AGPS: variants seen among roughly 807,000 people sequenced by gnomAD.
The protein encoded by AGPS is alkyldihydroxyacetonephosphate synthase, peroxisomal.
Under a neutral mutation model 90.7 loss-of-function variants are expected in AGPS, and 26 were observed. The observed-to-expected ratio is 0.29, with a 90% CI of 0.21 to 0.40. The LOEUF (loss-of-function observed/expected upper bound fraction) is 0.40, where lower values mean the gene tolerates loss of function less well. Among genes scored for constraint, AGPS ranks in the 10% least tolerant of loss-of-function variants. AGPS has a pLI of 1.00. For missense variants in AGPS, 540 were observed against 816.1 expected, an observed-to-expected ratio of 0.66 and a Z score of 4.12; for synonymous variants, 294 against 285.3, an observed-to-expected ratio of 1.03 and a Z score of -0.31.
At chr2:177,418,855 G>C (rs1277749000) in intron 1 of AGPS, among the ~76,000 whole-genome samples, 1 of 151,632 alleles carries the variant, frequency 6.6e-6, no homozygotes, top group African/African-American at 2.4e-5. Flanking sequence ...CATTAGTCGT[G>C]ATGTTTCTCC....
intron 19 of AGPS, among the ~76,000 whole-genome samples, chr2:177,525,484 A>G (rs1031408795): frequency 1.3e-5 from 2 of 152,276 alleles, no homozygotes; most frequent in East Asian, 3.9e-4. Flanking sequence ...GCCCTTTGGT[A>G]TGTGTCAGCA....
Position 177,431,550 on chromosome 2 carries a change from G to T in AGPS, c.351-2777G>T, listed in dbSNP as rs1041791415. On this transcript the variant is annotated intron_variant, in intron 2 of 19. Transcript: ENST00000264167. ...CGTAATTTCAGTCCTTATCTCAACTGCATGAGACAGACACTTCCAGAGCAG... is the reference window on the plus strand; with the variant it reads ...CGTAATTTCAGTCCTTATCTCAACTTCATGAGACAGACACTTCCAGAGCAG... Among the ~76,000 whole-genome samples the T allele has an allele frequency of 3.9e-5, 6 of 152,238 alleles. No individual in the cohort carries two copies. In the Middle Eastern group the frequency reaches 0.014, roughly 345 times the overall value.
Position 177,540,073 on chromosome 2 carries a change from G to GTATA in AGPS, c.*1896_*1899dup, listed in dbSNP as rs59535792. ...TATATATGTATGCATGTGTGTGTGT[G>GTATA]TATATATATATATATATATATGTAT... On this transcript the variant is annotated 3_prime_UTR_variant, in exon 20 of 20. Transcript: ENST00000264167. 6.9e-6 allele frequency: 1 copy of GTATA among 145,106 alleles called. No homozygotes were observed. The highest frequency in any genetic ancestry group is 2.1e-4 in the South Asian group (1 of 4,704). 9.0% of individuals were successfully genotyped at this position (145,106 alleles called of 1,614,324 possible).
At chr2:177,505,458 ATG>A in intron 14 of AGPS, 46 bp from the exon 15 acceptor site, 1 of 1,495,862 alleles carries the variant, frequency 6.7e-7, no homozygotes, top group Admixed American at 1.7e-5. Flanking sequence ...TTTATGATAA[ATG>A]AGATTAAGAT....
At chr2:177,482,220 C>T in intron 11 of AGPS, 34 bp downstream of exon 11, 1 of 1,116,324 alleles carries the variant, frequency 9.0e-7, no homozygotes. Flanking sequence ...TACATACATA[C>T]ATATATGTTT....
At chr2:177,446,590 G>A (rs572114526) in intron 8 of AGPS, among the ~76,000 whole-genome samples, 3 of 152,154 alleles carry the variant, frequency 2.0e-5, no homozygotes, top group African/African-American at 7.2e-5. Flanking sequence ...GAAGAGTTCA[G>A]ATCATAAAGG....
At chr2:177,502,535 G>A (rs546850793) in intron 14 of AGPS, among the ~76,000 whole-genome samples, 2 of 150,792 alleles carry the variant, frequency 1.3e-5, no homozygotes, top group Non-Finnish European at 3.0e-5. Context: ...TTCCTCTTCA[G>A]CCGCCTGAGT....
At chr2:177,496,561 TCTAA>T (rs1688419299) in intron 12 of AGPS, among the ~76,000 whole-genome samples, 1 of 152,172 alleles carries the variant, frequency 6.6e-6, no homozygotes, top group Non-Finnish European at 1.5e-5. Context: ...TTGATCTCTA[TCTAA>T]CCTGCAGTTC....
At chr2:177,432,550 A>T (rs1686274009) in intron 2 of AGPS, among the ~76,000 whole-genome samples, 1 of 152,256 alleles carries the variant, frequency 6.6e-6, no homozygotes, top group Admixed American at 6.5e-5. Flanking sequence ...TGCTAAGTAC[A>T]GTCTTCTGAG....
chr2:177,415,675 T>A (rs1169868995), intron 1 of AGPS, among the ~76,000 whole-genome samples: 2 of 152,244 alleles, frequency 1.3e-5, no homozygotes, highest in Admixed American at 1.3e-4. Flanking sequence ...TGTTGACCCA[T>A]CTAGAAACAT....
chr2:177,487,588 G>A (rs1453883965), intron 11 of AGPS, among the ~76,000 whole-genome samples: 14 of 152,024 alleles, frequency 9.2e-5, no homozygotes, highest in Non-Finnish European at 2.1e-4. Context: ...GAAGGAGTCA[G>A]GTTTAGCACT....
intron 19 of AGPS, among the ~76,000 whole-genome samples, chr2:177,532,847 A>T (rs1378623447): frequency 6.6e-6 from 1 of 152,226 alleles, no homozygotes; most frequent in Non-Finnish European, 1.5e-5. Context: ...ATAACTCTCC[A>T]GGGAATTATG....
intron 10 of AGPS, 33 bp downstream of exon 10, chr2:177,468,557 T>G (rs1381249189): frequency 1.4e-6 from 2 of 1,447,168 alleles, no homozygotes; most frequent in South Asian, 2.3e-5. Flanking sequence ...TAAGAAAAAA[T>G]ACAGGTTAGT....
At chr2:177,458,211 T>G (rs548006287) in intron 8 of AGPS, among the ~76,000 whole-genome samples, 1 of 152,314 alleles carries the variant, frequency 6.6e-6, no homozygotes, top group East Asian at 1.9e-4. Flanking sequence ...GAGCTATTTA[T>G]GACAAACCCA....
intron 8 of AGPS, among the ~76,000 whole-genome samples, chr2:177,457,838 G>A (rs1363740085): frequency 6.6e-6 from 1 of 152,164 alleles, no homozygotes; most frequent in Non-Finnish European, 1.5e-5. Flanking sequence ...CATTTTATGA[G>A]GCCAGCATCA....
chr2:177,410,214 C>T (rs1236333958), intron 1 of AGPS, among the ~76,000 whole-genome samples: 1 of 152,132 alleles, frequency 6.6e-6, no homozygotes, highest in Non-Finnish European at 1.5e-5. Flanking sequence ...ATGGAGGGTC[C>T]TGCCTTGCGG....
intron 12 of AGPS, among the ~76,000 whole-genome samples, chr2:177,494,268 G>A (rs1030613101): frequency 9.2e-5 from 14 of 152,098 alleles, no homozygotes; most frequent in Non-Finnish European, 1.3e-4. Flanking sequence ...AGTCAGGTTC[G>A]TAACATATTA....
chr2:177,525,094 T>C (rs1478713625), intron 19 of AGPS, among the ~76,000 whole-genome samples: 1 of 152,112 alleles, frequency 6.6e-6, no homozygotes, highest in Non-Finnish European at 1.5e-5. Flanking sequence ...TTCTCATGAA[T>C]GCTAGCATAA....
intron 6 of AGPS, among the ~76,000 whole-genome samples, chr2:177,441,885 A>G (rs1686613787): frequency 6.6e-6 from 1 of 152,246 alleles, no homozygotes. Context: ...CAAAGAACAT[A>G]TAAATGTTTT....
Sources: gnomAD v4.1 joint callset for allele counts (sites outside exome capture counted in the v4.1 genomes callset) on GRCh38, gnomAD v4.1.1 for gene constraint, MANE v1.5 for transcripts, NCBI Gene and HGNC (gene_info 2026-07-23, HGNC 2026-07-21) for gene names.